Variants in KCNH7 observed in about 807,000 individuals in gnomAD.
The protein encoded by KCNH7 is potassium voltage-gated channel subfamily H member 7.
In KCNH7, 49 loss-of-function variants were observed where a neutral mutation model predicts 120.8. The ratio of observed to expected loss-of-function variants is 0.41; its 90% CI spans 0.32 to 0.51. The LOEUF (loss-of-function observed/expected upper bound fraction) is 0.51. Among genes scored for constraint, KCNH7 ranks in the 20% least tolerant of loss-of-function variants. The pLI is 0.38. For synonymous variants in KCNH7, 547 were observed against 516.1 expected (o/e 1.06, Z -0.81); for missense variants, 1,097 against 1,446.6 (o/e 0.76, Z 3.92).
Position 162,371,779 on chromosome 2 carries a change from C to T in KCNH7, c.*50G>A. On this transcript the variant is annotated 3_prime_UTR_variant, in exon 16 of 16. Coordinates refer to ENST00000332142, the MANE Select transcript of KCNH7 (RefSeq NM_033272.4). ...GAGGATTTAAATAGAAAAAGGAAAACAGCCATTAAAAGCACTTACATTGTA... is the reference window on the plus strand; with the variant it reads ...GAGGATTTAAATAGAAAAAGGAAAATAGCCATTAAAAGCACTTACATTGTA... 1 of 1,516,108 alleles carries T rather than the reference C, an allele frequency of 6.6e-7. No homozygotes were observed. The highest frequency in any genetic ancestry group is 9.0e-7 in the Non-Finnish European group (1 of 1,109,284). The allele number at this position is 1,516,108 out of a possible 1,614,324, so 93.9% of individuals were successfully genotyped here.
intron 15 of KCNH7, among the ~76,000 whole-genome samples, chr2:162,372,615 G>A (rs1398729848): frequency 6.6e-6 from 1 of 152,062 alleles, no homozygotes; most frequent in Non-Finnish European, 1.5e-5. Flanking sequence ...TAGAAGTATT[G>A]CGTTATTTTC....
intron 2 of KCNH7, among the ~76,000 whole-genome samples, chr2:162,781,910 G>T (rs1472419114): frequency 6.6e-6 from 1 of 152,162 alleles, no homozygotes; most frequent in Non-Finnish European, 1.5e-5. Flanking sequence ...TAAATTCAAT[G>T]AATATTTCTT....
chr2:162,546,646 A>C (rs1234185961), intron 2 of KCNH7, among the ~76,000 whole-genome samples: 1 of 152,194 alleles, frequency 6.6e-6, no homozygotes, highest in Admixed American at 6.5e-5. Flanking sequence ...ATGACTGTCG[A>C]AAGGAACCAT....
chr2:162,820,033 C>CTTTTTTTTTTTTTTTTTTTTTTTTTTT (rs66809770), intron 2 of KCNH7, among the ~76,000 whole-genome samples: 1 of 77,040 alleles, frequency 1.3e-5, no homozygotes, highest in Non-Finnish European at 2.4e-5. Context: ...ATTCCATAAA[C>CTTTTTTTTTTTTTTTTTTTTTTTTTTT]TTTTTTTTTT....
intron 6 of KCNH7, among the ~76,000 whole-genome samples, chr2:162,455,038 T>G (rs761932417): frequency 3.9e-5 from 6 of 152,020 alleles, no homozygotes; most frequent in Non-Finnish European, 8.8e-5. Flanking sequence ...GAATGCTGCC[T>G]GCATTTGCCT....
At chr2:162,804,590 T>C (rs1420970123) in intron 2 of KCNH7, among the ~76,000 whole-genome samples, 3 of 151,760 alleles carry the variant, frequency 2.0e-5, no homozygotes, top group Non-Finnish European at 4.4e-5. Flanking sequence ...GCTGAAAGAA[T>C]TCATAGATGA....
intron 2 of KCNH7, among the ~76,000 whole-genome samples, chr2:162,586,253 A>G (rs768576852): frequency 1.3e-5 from 2 of 152,074 alleles, no homozygotes; most frequent in African/African-American, 2.4e-5. Flanking sequence ...TAGAATGTGC[A>G]GGAAGTGACA....
intron 3 of KCNH7, among the ~76,000 whole-genome samples, chr2:162,526,804 C>T (rs549887720): frequency 9.5e-4 from 145 of 152,056 alleles, no homozygotes; most frequent in African/African-American, 3.3e-3. Flanking sequence ...TCCTCCTCAG[C>T]TTATGAAGAT....
chr2:162,587,811 C>CT (rs2105927708), intron 2 of KCNH7, among the ~76,000 whole-genome samples: 1 of 152,222 alleles, frequency 6.6e-6, no homozygotes, highest in African/African-American at 2.4e-5. Flanking sequence ...CTTTCATTTG[C>CT]TTTGCCTTTG....
intron 2 of KCNH7, among the ~76,000 whole-genome samples, chr2:162,774,607 G>C (rs1312252661): frequency 6.6e-6 from 1 of 152,134 alleles, no homozygotes; most frequent in Admixed American, 6.6e-5. Context: ...GATGCTCTGG[G>C]CTTGTGTGTG....
At chr2:162,715,776 G>C (rs916409666) in intron 2 of KCNH7, among the ~76,000 whole-genome samples, 2 of 152,136 alleles carry the variant, frequency 1.3e-5, no homozygotes, top group African/African-American at 2.4e-5. Context: ...TCTTAAAGCT[G>C]CACATAAAGC....
rs560401821 is a variant in KCNH7 at position 162,572,060 on chromosome 2, G to C, written c.308-34980C>G. The stretch of plus-strand genomic sequence containing the variant: ...AATTGACAAATGGGATCTAATTAAA[G>C]TAAAGAGCTTCTGCACAGCAAAAGA... On this transcript the variant is annotated intron_variant, in intron 2 of 15. Coordinates refer to ENST00000332142, the MANE Select transcript of KCNH7 (RefSeq NM_033272.4). 4.4e-3 allele frequency among the ~76,000 whole-genome samples: 673 copies of C among 151,726 alleles called. 1 individual carries two copies. The highest frequency in any genetic ancestry group is 7.4e-3 in the Non-Finnish European group (500 of 67,892).
chr2:162,674,153 A>G (rs1685456915), intron 2 of KCNH7, among the ~76,000 whole-genome samples: 1 of 151,864 alleles, frequency 6.6e-6, no homozygotes, highest in Non-Finnish European at 1.5e-5. Context: ...TTTAGAATTA[A>G]TAAGAGTTTA....
At chr2:162,644,400 G>A (rs1436202857) in intron 2 of KCNH7, among the ~76,000 whole-genome samples, 1 of 151,970 alleles carries the variant, frequency 6.6e-6, no homozygotes, top group South Asian at 2.1e-4. Flanking sequence ...GTTATACATT[G>A]GATCTATTTA....
At chr2:162,399,381 T>C (rs1157080695) in intron 10 of KCNH7, among the ~76,000 whole-genome samples, 1 of 151,772 alleles carries the variant, frequency 6.6e-6, no homozygotes, top group Admixed American at 6.6e-5. Context: ...TTTAAAATTT[T>C]TTTATTATAC....
chr2:162,677,340 A>G (rs1559077210), intron 2 of KCNH7, among the ~76,000 whole-genome samples: 3 of 151,514 alleles, frequency 2.0e-5, no homozygotes, highest in Non-Finnish European at 4.4e-5. Flanking sequence ...AATTTTTTAC[A>G]AAATGAATAT....
chr2:162,597,808 A>G (rs1393076362), intron 2 of KCNH7, among the ~76,000 whole-genome samples: 3 of 152,144 alleles, frequency 2.0e-5, no homozygotes, highest in African/African-American at 7.2e-5. Context: ...ATTGTATCCC[A>G]TAAGTATATG....
At position 162,805,009 on chromosome 2, in the gene KCNH7, T is replaced by C. The variant is rs548489388; in HGVS notation, c.307+31528A>G. On this transcript the variant is annotated intron_variant, in intron 2 of 15. Transcript: ENST00000332142. Reference sequence around the variant, plus strand: ...AAAGGACATCCTATTTAATAAATGGTGCTGGGAAAACTGGCTAGCTACACG... The same window carrying C: ...AAAGGACATCCTATTTAATAAATGGCGCTGGGAAAACTGGCTAGCTACACG... 3.9e-5 allele frequency among the ~76,000 whole-genome samples: 6 copies of C among 152,122 alleles called. No individual in the cohort carries two copies. The South Asian group carries it at 6.2e-4, about 16-fold the overall frequency.
rs71009368 is a variant in KCNH7, at chr2:162,724,671, C to CAAA, written c.307+111863_307+111865dup. On this transcript the variant is annotated intron_variant, in intron 2 of 15. Transcript: ENST00000332142. ...TGGGCGACAGAGCGAGACTCCGTCT[C>CAAA]AAAAAAAAAAAAAGAATATACTGTA... 2.7e-4 allele frequency among the ~76,000 whole-genome samples: 33 copies of CAAA among 123,922 alleles called. 1 individual carries two copies. Among genetic ancestry groups the CAAA allele is most frequent in the South Asian group, 8.2e-4 (3 of 3,676 alleles). 81.3% of individuals were successfully genotyped at this position (123,922 alleles called of 152,430 possible). A position where few individuals can be genotyped will look rare whatever the true frequency, so the allele number is the denominator to read the frequency against.
Sources: gnomAD v4.1 joint callset for allele counts (sites outside exome capture counted in the v4.1 genomes callset) on GRCh38, gnomAD v4.1.1 for gene constraint, MANE v1.5 for transcripts, NCBI Gene and HGNC (gene_info 2026-07-23, HGNC 2026-07-21) for gene names.